Variants in PTPN20 observed in about 807,000 individuals in gnomAD.
PTPN20 encodes protein tyrosine phosphatase non-receptor type 20.
In PTPN20, 9 loss-of-function variants were observed where a neutral mutation model predicts 35.0. The ratio of observed to expected loss-of-function variants is 0.26; its 90% CI spans 0.15 to 0.45. The LOEUF is 0.45. Ranked by LOEUF, PTPN20 falls within the 20% of genes least tolerant of loss-of-function variation. The pLI is 1.00. For missense variants in PTPN20, 111 were observed against 312.5 expected, an observed-to-expected ratio of 0.36 and a Z score of 4.86; for synonymous variants, 32 against 100.2, an observed-to-expected ratio of 0.32 and a Z score of 4.06.
chr10:46,993,488 C>T (rs1375270846), intron 9 of PTPN20, among the ~76,000 whole-genome samples: 1 of 152,068 alleles, frequency 6.6e-6, no homozygotes, highest in African/African-American at 2.4e-5. Context: ...GCGGTGTTGC[C>T]GTGGGTGTAT....
intron 7 of PTPN20, among the ~76,000 whole-genome samples, chr10:46,976,729 CT>C (rs1224114409): frequency 0.14 from 17,151 of 125,004 alleles, 1,058 homozygotes; most frequent in African/African-American, 0.3. Context: ...CTACTCTTGT[CT>C]TTTTTTTTTT....
chr10:46,992,883 G>A (rs952478615), intron 9 of PTPN20, among the ~76,000 whole-genome samples: 2 of 152,150 alleles, frequency 1.3e-5, no homozygotes, highest in Admixed American at 6.5e-5. Context: ...CTATCATTTC[G>A]ATGAGGCTTT....
chr10:46,983,384 G>C (rs2056133390), intron 7 of PTPN20, among the ~76,000 whole-genome samples: 1 of 150,950 alleles, frequency 6.6e-6, no homozygotes, highest in Admixed American at 6.6e-5. Flanking sequence ...ATGTGATTCT[G>C]AGTAGTAAGG....
chr10:46,993,540 G>A (rs1335737608), intron 9 of PTPN20, among the ~76,000 whole-genome samples: 2 of 152,220 alleles, frequency 1.3e-5, no homozygotes, highest in African/African-American at 4.8e-5. Flanking sequence ...CTGCCCAGCA[G>A]ACAGCTGTGG....
chr10:46,972,386 C>T (rs1265145611), intron 7 of PTPN20, among the ~76,000 whole-genome samples: 1 of 148,984 alleles, frequency 6.7e-6, no homozygotes, highest in African/African-American at 2.5e-5. Flanking sequence ...TAATGAGATA[C>T]CATTTTACAC....
At chr10:46,982,588 GC>G (rs1440426522) in intron 7 of PTPN20, among the ~76,000 whole-genome samples, 1 of 148,882 alleles carries the variant, frequency 6.7e-6, no homozygotes, top group Non-Finnish European at 1.5e-5. Context: ...TTCAATTCCT[GC>G]TTTAGGAGTT....
Position 46,940,686 on chromosome 10 carries a change from C to T in PTPN20, c.98C>T (p.Ser33Leu). ...EDLNFRETLP[S>L]SSQENTPRSK... ...TTGAATTTCAGGGAGACTTTGCCTT[C>T]ATCAAGTCAGGAAAACACACCTAGA... The change falls in exon 3 of 11, where the codon TCA (serine) becomes TTA (leucine). Residue 33 changes from serine (S) to leucine (L), a missense_variant. Transcript: ENST00000374339. 4 of 1,611,154 alleles carry T rather than the reference C, an allele frequency of 2.5e-6. No homozygotes were observed. In the Admixed American group the frequency reaches 6.7e-5, roughly 27 times the overall value.
chr10:46,994,488 C>T (rs1429150943), intron 9 of PTPN20, among the ~76,000 whole-genome samples: 2 of 151,780 alleles, frequency 1.3e-5, no homozygotes, highest in African/African-American at 4.8e-5. Flanking sequence ...CCCGCCATCA[C>T]GCCCGGCTAA....
intron 9 of PTPN20, among the ~76,000 whole-genome samples, chr10:46,998,244 G>A (rs2059488680): frequency 6.6e-6 from 1 of 152,068 alleles, no homozygotes; most frequent in Admixed American, 6.5e-5. Context: ...TCAACAAATT[G>A]ATGGTTAAAT....
intron 7 of PTPN20, among the ~76,000 whole-genome samples, chr10:46,979,968 G>T (rs2054836353): frequency 6.6e-6 from 1 of 151,070 alleles, no homozygotes; most frequent in Non-Finnish European, 1.5e-5. Flanking sequence ...ATATTACAGA[G>T]GTTTATTACA....
intron 7 of PTPN20, among the ~76,000 whole-genome samples, chr10:46,976,398 C>CTTTT (rs1198403320): frequency 7.5e-4 from 52 of 69,664 alleles, no homozygotes; most frequent in African/African-American, 2.6e-3. Flanking sequence ...TCAAGCTCTA[C>CTTTT]TTTTTTTTTT....
chr10:46,923,465 A>G (rs1212588110), intron 1 of PTPN20, among the ~76,000 whole-genome samples: 1 of 143,832 alleles, frequency 7.0e-6, no homozygotes, highest in Non-Finnish European at 1.5e-5. Flanking sequence ...TTTTTGAAAA[A>G]GAATATTCTT....
chr10:46,918,400 TCC>T (rs2033773334), intron 1 of PTPN20, among the ~76,000 whole-genome samples: 1 of 49,664 alleles, frequency 2.0e-5, no homozygotes, highest in Non-Finnish European at 3.5e-5. Context: ...TGATTTTTTT[TCC>T]TCTTTATTAT....
chr10:46,920,612 G>A (rs1408215512), intron 1 of PTPN20, among the ~76,000 whole-genome samples: 3 of 136,464 alleles, frequency 2.2e-5, no homozygotes, highest in East Asian at 4.3e-4. Context: ...GGCTACCAGG[G>A]CAGGTAGGGA....
intron 5 of PTPN20, among the ~76,000 whole-genome samples, chr10:46,947,151 T>A (rs1169266799): frequency 3.4e-5 from 5 of 145,250 alleles, no homozygotes; most frequent in African/African-American, 1.3e-4. Context: ...CGTATTTACA[T>A]GTATATATAA....
At position 47,002,102 on chromosome 10, in the gene PTPN20, A is replaced by G. The variant is rs2060088808; in HGVS notation, c.*1361A>G. The G allele has an allele frequency of 6.6e-6, 1 of 152,182 alleles. No homozygotes were observed. The highest frequency in any genetic ancestry group is 1.5e-5 in the Non-Finnish European group (1 of 67,970). 9.4% of individuals were successfully genotyped at this position (152,182 alleles called of 1,614,324 possible). ...AATAATTCTCATTGTAAAAATAATT[A>G]TATGCCAAAAATATATTTGATGTTA... On this transcript the variant is annotated 3_prime_UTR_variant, in exon 11 of 11. Transcript: ENST00000374339.
At chr10:46,984,601 AC>A in intron 8 of PTPN20, 37 bp downstream of exon 8, 1 of 1,141,294 alleles carries the variant, frequency 8.8e-7, no homozygotes, top group Non-Finnish European at 1.3e-6. Flanking sequence ...TATATGTTTC[AC>A]CACATAAGCA....
At chr10:46,949,216 C>G (rs1201675168) in intron 5 of PTPN20, among the ~76,000 whole-genome samples, 5 of 152,182 alleles carry the variant, frequency 3.3e-5, no homozygotes, top group Non-Finnish European at 7.3e-5. Flanking sequence ...TTCCCGTTTC[C>G]TGCTCTGCTC....
At chr10:46,983,138 G>A (rs75915432) in intron 7 of PTPN20, among the ~76,000 whole-genome samples, 9 of 147,550 alleles carry the variant, frequency 6.1e-5, no homozygotes, top group African/African-American at 2.0e-4. Context: ...GTACAGTGGC[G>A]CGGTCTCAGA....
Sources: gnomAD v4.1 joint callset for allele counts (sites outside exome capture counted in the v4.1 genomes callset) on GRCh38, gnomAD v4.1.1 for gene constraint, MANE v1.5 for transcripts, NCBI Gene and HGNC (gene_info 2026-07-23, HGNC 2026-07-21) for gene names.